SCAPER: variants seen among roughly 807,000 people sequenced by gnomAD.
SCAPER encodes the protein S phase cyclin A-associated protein in the endoplasmic reticulum.
Under a neutral mutation model 182.2 loss-of-function variants are expected in SCAPER, and 98 were observed. The observed-to-expected ratio is 0.54, with a 90% CI of 0.46 to 0.64. SCAPER has a LOEUF of 0.64. Among genes scored for constraint, SCAPER ranks in the 30% least tolerant of loss-of-function variants. The pLI is 0.00. For missense variants in SCAPER, 1,432 were observed against 1,690.0 expected, an observed-to-expected ratio of 0.85 and a Z score of 2.68; for synonymous variants, 605 against 564.6, an observed-to-expected ratio of 1.07 and a Z score of -1.01.
At chr15:76,393,851 G>C (rs1345453384) in intron 27 of SCAPER, among the ~76,000 whole-genome samples, 1 of 152,158 alleles carries the variant, frequency 6.6e-6, no homozygotes, top group Non-Finnish European at 1.5e-5. Flanking sequence ...CCTATGCAGA[G>C]ACCCCACATG....
chr15:76,899,397 C>T (rs2074624642), intron 1 of SCAPER, among the ~76,000 whole-genome samples: 1 of 152,230 alleles, frequency 6.6e-6, no homozygotes, highest in East Asian at 1.9e-4. Flanking sequence ...CTCCTGGCCT[C>T]GGATGAACTG....
intron 5 of SCAPER, among the ~76,000 whole-genome samples, chr15:76,806,377 T>C (rs2066162275): frequency 6.6e-6 from 1 of 152,232 alleles, no homozygotes; most frequent in Non-Finnish European, 1.5e-5. Context: ...TCCAAGGATT[T>C]CAAATCTATT....
At chr15:76,841,639 TC>T (rs1406169733) in intron 5 of SCAPER, 94 bp downstream of exon 5, 1 of 1,287,968 alleles carries the variant, frequency 7.8e-7, no homozygotes, top group Non-Finnish European at 1.1e-6. Flanking sequence ...AGAGCAAAAC[TC>T]CATCTCAAAG....
chr15:76,554,722 G>T (rs750464544), intron 23 of SCAPER, among the ~76,000 whole-genome samples: 1 of 150,834 alleles, frequency 6.6e-6, no homozygotes, highest in Non-Finnish European at 1.5e-5. Flanking sequence ...TCACATCAGG[G>T]TAACAGTGAA....
chr15:76,774,782 C>G (rs62028737), intron 9 of SCAPER, 73 bp downstream of exon 9: 94,397 of 1,444,830 alleles, frequency 0.065, 3,319 homozygotes, highest in Middle Eastern at 0.096. Flanking sequence ...AAGTACAAAA[C>G]TAAGACATTC....
At chr15:76,647,162 G>A (rs1433065554) in intron 21 of SCAPER, among the ~76,000 whole-genome samples, 1 of 152,132 alleles carries the variant, frequency 6.6e-6, no homozygotes, top group African/African-American at 2.4e-5. Flanking sequence ...TATCCTAGTA[G>A]GAGAAAGCTA....
intron 23 of SCAPER, among the ~76,000 whole-genome samples, chr15:76,518,785 C>G (rs1024009924): frequency 2.0e-5 from 3 of 152,204 alleles, no homozygotes; most frequent in African/African-American, 7.2e-5. Flanking sequence ...CATGGATGAA[C>G]AGTGTTTAAC....
At chr15:76,383,127 CACATATATAT>C (rs2043078340) in intron 27 of SCAPER, among the ~76,000 whole-genome samples, 2 of 151,270 alleles carry the variant, frequency 1.3e-5, no homozygotes, top group Admixed American at 1.3e-4. Flanking sequence ...CACCTACACA[CACATATATAT>C]ACATATATAC....
chr15:76,459,176 G>A (rs1468802047), intron 25 of SCAPER, among the ~76,000 whole-genome samples: 1 of 152,198 alleles, frequency 6.6e-6, no homozygotes, highest in East Asian at 1.9e-4. Context: ...GCAGGAATGA[G>A]CCACTGTGCC....
chr15:76,607,112 T>C (rs1248720914), intron 22 of SCAPER, among the ~76,000 whole-genome samples: 4 of 152,022 alleles, frequency 2.6e-5, no homozygotes, highest in Non-Finnish European at 4.4e-5. Flanking sequence ...TTCCTAGCCT[T>C]GATGGTCTTT....
At chr15:76,724,179 T>G (rs2060445283) in intron 17 of SCAPER, among the ~76,000 whole-genome samples, 1 of 146,430 alleles carries the variant, frequency 6.8e-6, no homozygotes, top group South Asian at 2.2e-4. Flanking sequence ...TCTCCTTCAC[T>G]TATGAAGCTT....
chr15:76,805,072 T>A (rs1370097951), intron 5 of SCAPER, among the ~76,000 whole-genome samples: 1 of 152,182 alleles, frequency 6.6e-6, no homozygotes, highest in Non-Finnish European at 1.5e-5. Flanking sequence ...AAATTAACAA[T>A]GTTTTTCAAG....
intron 15 of SCAPER, among the ~76,000 whole-genome samples, chr15:76,744,444 A>G (rs1211740618): frequency 6.6e-6 from 1 of 152,202 alleles, no homozygotes; most frequent in African/African-American, 2.4e-5. Flanking sequence ...CAAGCAAAAA[A>G]ACAAATAACC....
chr15:76,694,125 T>C (rs1167547014), intron 20 of SCAPER, among the ~76,000 whole-genome samples: 1 of 152,058 alleles, frequency 6.6e-6, no homozygotes, highest in Non-Finnish European at 1.5e-5. Flanking sequence ...CTATTTCTAT[T>C]AAAAATGTCA....
chr15:76,640,375 A>G (rs897923197), intron 21 of SCAPER, among the ~76,000 whole-genome samples: 3 of 152,228 alleles, frequency 2.0e-5, no homozygotes, highest in Non-Finnish European at 4.4e-5. Context: ...TCTGTTCACA[A>G]TTGGGAATCA....
In SCAPER at chr15:76,698,830, T is replaced by C. The variant is rs372318736; in HGVS notation, c.2508+2928A>G. Among the ~76,000 whole-genome samples, 70 of 152,368 alleles carry C rather than the reference T, an allele frequency of 4.6e-4. 4 individuals are homozygous for C. The South Asian group carries it at 0.012, about 26-fold the overall frequency. On this transcript the variant is annotated intron_variant, in intron 20 of 31. Transcript: ENST00000563290. ...CATTGGTAGTTTGATAGGAATAGCA[T>C]TGAATCTGCAAATTGCTTTGGGCCA... is the stretch of plus-strand genomic sequence containing the variant.
intron 24 of SCAPER, among the ~76,000 whole-genome samples, chr15:76,498,056 T>C (rs554299706): frequency 1.4e-5 from 2 of 142,016 alleles, no homozygotes; most frequent in South Asian, 2.3e-4. Context: ...GGAAACTAAG[T>C]TGACAGATAT....
chr15:76,425,501 C>T (rs1340975629), intron 26 of SCAPER, among the ~76,000 whole-genome samples: 1 of 152,168 alleles, frequency 6.6e-6, no homozygotes, highest in African/African-American at 2.4e-5. Flanking sequence ...ATTGGTTATT[C>T]TAGTTAGCCA....
At chr15:76,528,199 C>T (rs1125932) in intron 23 of SCAPER, among the ~76,000 whole-genome samples, 58,062 of 152,038 alleles carry the variant, frequency 0.38, 13,099 homozygotes, top group Middle Eastern at 0.52. Flanking sequence ...AGATTTGGTC[C>T]ATGGGCTATA....
Sources: allele counts gnomAD v4.1 joint callset (sites outside exome capture counted in the v4.1 genomes callset), GRCh38; gene constraint gnomAD v4.1.1; transcripts MANE v1.5; gene names NCBI Gene and HGNC (gene_info 2026-07-23, HGNC 2026-07-21).